Variants in PFKFB2 observed in about 807,000 individuals in gnomAD.
PFKFB2 encodes 6-phosphofructo-2-kinase/fructose-2,6-bisphosphatase 2.
A neutral mutation model predicts 68.0 loss-of-function variants in PFKFB2; 53 were observed. The ratio of observed to expected loss-of-function variants is 0.78; its 90% confidence interval spans 0.63 to 0.98. The LOEUF (loss-of-function observed/expected upper bound fraction) is 0.98, where lower values mean the gene tolerates loss of function less well. Ranked by LOEUF, PFKFB2 falls within the 50% of genes least tolerant of loss-of-function variation. The pLI is 0.00. For missense variants in PFKFB2, 451 were observed against 642.0 expected (o/e 0.70, Z 3.22); for synonymous variants, 222 against 227.6 (o/e 0.98, Z 0.22).
chr1:207,037,259 C>T (rs1416739851), intron 1 of PFKFB2, among the ~76,000 whole-genome samples: 1 of 152,178 alleles, frequency 6.6e-6, no homozygotes, highest in African/African-American at 2.4e-5. Flanking sequence ...ACTATTTTCT[C>T]TTGAATTCCA....
rs1170267853 is a variant in PFKFB2, at chr1:207,072,324, C to T, written c.1471C>T (p.Pro491Ser). 2.5e-6 allele frequency: 4 copies of T among 1,614,154 alleles called. No individual in the cohort carries two copies. The highest frequency in any genetic ancestry group is 1.7e-5 in the Admixed American group (1 of 60,024). Reference protein sequence around the residue: ...NYSVGSRPLKPLSPLRAQDMQ... With the variant: ...NYSVGSRPLKSLSPLRAQDMQ... Reference sequence around the variant, plus strand: ...CAGTGTTGGGAGCCGGCCCCTCAAGCCCCTCAGCCCTCTCCGTGCCCAGGA... The same window carrying T: ...CAGTGTTGGGAGCCGGCCCCTCAAGTCCCTCAGCCCTCTCCGTGCCCAGGA... The change falls in exon 15 of 15, where the codon CCC becomes TCC. Residue 491 changes from proline (P) to serine (S), a missense_variant. By Grantham distance (74) the Pro-to-Ser change is moderately conservative. Transcript: ENST00000367080.
chr1:207,053,911 T>A (rs1315615409), intron 1 of PFKFB2, among the ~76,000 whole-genome samples: 1 of 143,702 alleles, frequency 7.0e-6, no homozygotes, highest in Non-Finnish European at 1.5e-5. Flanking sequence ...TTCATTTTTT[T>A]TTTTTTTTTT....
At chr1:207,069,665 A>C (rs1683408672) in intron 11 of PFKFB2, 137 bp downstream of exon 11, 3 of 612,502 alleles carry the variant, frequency 4.9e-6, no homozygotes, top group Admixed American at 3.0e-5. Flanking sequence ...TTTTGGTTTC[A>C]TTCAGCTTAG....
intron 4 of PFKFB2, among the ~76,000 whole-genome samples, 178 bp from the exon 5 acceptor site, chr1:207,062,965 G>A (rs1683161945): frequency 1.3e-5 from 2 of 152,158 alleles, no homozygotes; most frequent in African/African-American, 4.8e-5. Context: ...GGCAGGAAGG[G>A]GTTATAGGAT....
intron 8 of PFKFB2, 165 bp downstream of exon 8, chr1:207,065,325 A>G (rs1683252294): frequency 1.2e-5 from 12 of 983,688 alleles, no homozygotes; most frequent in African/African-American, 1.7e-5. Flanking sequence ...TGTGGATTGC[A>G]TCTTGTACAT....
Position 207,067,561 on chromosome 1 carries a change from A to C in PFKFB2, c.695A>C (p.Asp232Ala), listed in dbSNP as rs1683330848. The C allele has an allele frequency of 6.2e-7, 1 of 1,613,890 alleles. No individual in the cohort carries two copies. The highest frequency in any genetic ancestry group is 8.5e-7 in the Non-Finnish European group (1 of 1,179,876). The stretch of plus-strand genomic sequence containing the variant: ...CGATTTTTAGTCAACAGAGTCCAGG[A>C]CTACATCCAGAGCAAGATAGTCTAC... ...GQRFLVNRVQ[D>A]YIQSKIVYYL... The change falls in exon 9 of 15, where the codon GAC becomes GCC. Residue 232 changes from aspartate to alanine, a missense_variant. Asp to Ala is a moderately radical substitution (Grantham distance 126). Transcript: ENST00000367080.
Position 207,072,213 on chromosome 1 carries a change from C to T in PFKFB2, c.1360C>T (p.Pro454Ser). The change falls in exon 15 of 15, where the codon CCC becomes TCC. Residue 454 changes from proline to serine, a missense_variant. Physicochemically the swap from Pro to Ser is moderately conservative, Grantham distance 74 (BLOSUM62 -1). Coordinates refer to ENST00000367080, the MANE Select transcript of PFKFB2 (RefSeq NM_006212.2). ...CTCCATTTCCAATCAGAACAACTTC[C>T]CCAAGAACCAAACCCCTGTAAGGAT... is the stretch of plus-strand genomic sequence containing the variant. Reference protein sequence around the residue: ...THRDKPTNNFPKNQTPVRMRR... With the variant: ...THRDKPTNNFSKNQTPVRMRR... The T allele has an allele frequency of 6.2e-7, 1 of 1,613,628 alleles. No individual in the cohort carries two copies. The highest frequency in any genetic ancestry group is 2.2e-5 in the East Asian group (1 of 44,878).
chr1:207,042,950 A>G (rs1201109635), intron 2 of PFKFB2, among the ~76,000 whole-genome samples: 1 of 151,906 alleles, frequency 6.6e-6, no homozygotes, highest in African/African-American at 2.4e-5. Flanking sequence ...GGTATAAGCC[A>G]TAAGAGATCT....
intron 1 of PFKFB2, among the ~76,000 whole-genome samples, chr1:207,041,860 C>T (rs1321282368): frequency 1.3e-5 from 2 of 152,180 alleles, no homozygotes; most frequent in African/African-American, 2.4e-5. Flanking sequence ...CAGTGTAACA[C>T]GTGCCTATTT....
At chr1:207,062,171 A>G in intron 3 of PFKFB2, 93 bp downstream of exon 3, 1 of 1,540,342 alleles carries the variant, frequency 6.5e-7, no homozygotes. Flanking sequence ...TCAATGCTAT[A>G]GGGTGCTTTT....
chr1:207,067,840 A>C (rs1683340738), intron 9 of PFKFB2, 134 bp downstream of exon 9: 2 of 767,940 alleles, frequency 2.6e-6, no homozygotes, highest in South Asian at 3.3e-5. Context: ...CAAGTGCTCA[A>C]GGTGTGTTCT....
upstream of PFKFB2, among the ~76,000 whole-genome samples, chr1:207,051,237 TG>T (rs1314953570): frequency 1.3e-5 from 2 of 152,144 alleles, no homozygotes; most frequent in African/African-American, 2.4e-5. Flanking sequence ...GTAGCATATA[TG>T]CTCAAGAAAA....
intron 2 of PFKFB2, among the ~76,000 whole-genome samples, chr1:207,056,575 T>C (rs750524669): frequency 2.6e-5 from 4 of 151,994 alleles, no homozygotes; most frequent in Non-Finnish European, 5.9e-5. Flanking sequence ...TGTAGTTCCT[T>C]TGCCTTGAGG....
At chr1:207,056,160 C>G (rs1189474712) in intron 2 of PFKFB2, among the ~76,000 whole-genome samples, 1 of 152,106 alleles carries the variant, frequency 6.6e-6, no homozygotes, top group African/African-American at 2.4e-5. Context: ...TGTAGGAAGG[C>G]GCTTAGAAGA....
intron 2 of PFKFB2, chr1:207,045,766 T>C (rs949829867): frequency 6.6e-6 from 1 of 152,082 alleles, no homozygotes; most frequent in African/African-American, 2.4e-5. Flanking sequence ...CATGGGCATT[T>C]AGGGACACAG....
chr1:207,037,551 A>T (rs914333019), intron 1 of PFKFB2, among the ~76,000 whole-genome samples: 2 of 152,218 alleles, frequency 1.3e-5, no homozygotes, highest in African/African-American at 4.8e-5. Flanking sequence ...AGATGCCTAC[A>T]TGATCTCTGC....
intron 1 of PFKFB2, among the ~76,000 whole-genome samples, chr1:207,036,853 T>G (rs1336711181): frequency 6.6e-6 from 1 of 152,232 alleles, no homozygotes; most frequent in African/African-American, 2.4e-5. Flanking sequence ...CTTTTTAAAA[T>G]CTGCTGTCAG....
At chr1:207,050,982 C>G (rs1325347603), upstream of PFKFB2, 2 of 1,537,180 alleles carry the variant, frequency 1.3e-6, no homozygotes, top group Non-Finnish European at 1.8e-6. Context: ...CCGGGGAAAC[C>G]AGGCGCCGGG....
At chr1:207,049,758 AAATTACAG>A (rs746172120), upstream of PFKFB2, 69 of 1,563,228 alleles carry the variant, frequency 4.4e-5, 1 homozygote, top group South Asian at 8.1e-4. Context: ...ATCTGCAAAG[AAATTACAG>A]AAGAAACCGA....
Sources: allele counts gnomAD v4.1 joint callset (sites outside exome capture counted in the v4.1 genomes callset), GRCh38; gene constraint gnomAD v4.1.1; transcripts MANE v1.5; gene names NCBI Gene and HGNC (gene_info 2026-07-23, HGNC 2026-07-21).